The following AKR1C3 variants were observed in gnomAD, a reference collection of about 807,000 sequenced individuals.
AKR1C3 encodes 3-alpha hydroxysteroid dehydrogenase, type II.
Under a neutral mutation model 43.6 loss-of-function variants are expected in AKR1C3, and 48 were observed. That is an observed-to-expected ratio of 1.10 (90% CI 0.87 to 1.40). The LOEUF (loss-of-function observed/expected upper bound fraction) is 1.40, where lower values mean the gene tolerates loss of function less well. AKR1C3 is among the 40% of genes most tolerant of loss of function. The pLI, the probability that AKR1C3 is intolerant of heterozygous loss-of-function variation, is 0.00. For missense variants in AKR1C3, 482 were observed against 391.2 expected, an observed-to-expected ratio of 1.23 and a Z score of -1.96; for synonymous variants, 162 against 139.6, an observed-to-expected ratio of 1.16 and a Z score of -1.13.
At chr10:5,058,281 A>C (rs145110240) in intron 1 of AKR1C3, among the ~76,000 whole-genome samples, 5,394 of 152,224 alleles carry the variant, frequency 0.035, 121 homozygotes, top group Middle Eastern at 0.061. Context: ...CTTGGACATA[A>C]GGTATTTCAC....
chr10:5,088,120 G>C (rs1413383046), intron 1 of AKR1C3, among the ~76,000 whole-genome samples: 1 of 152,080 alleles, frequency 6.6e-6, no homozygotes, highest in Non-Finnish European at 1.5e-5. Context: ...TCATGCACTT[G>C]TATAGCTTTG....
chr10:5,066,075 G>A (rs1401191343), intron 1 of AKR1C3, among the ~76,000 whole-genome samples: 1 of 152,182 alleles, frequency 6.6e-6, no homozygotes, highest in African/African-American at 2.4e-5. Context: ...TGGTCTCTAG[G>A]TGAGAGGAAA....
At chr10:5,061,079 A>C (rs1327625732) in intron 1 of AKR1C3, among the ~76,000 whole-genome samples, 1 of 152,126 alleles carries the variant, frequency 6.6e-6, no homozygotes, top group Non-Finnish European at 1.5e-5. Flanking sequence ...CCAGCCCAGA[A>C]AGGGGCTCCC....
At position 5,089,326 on chromosome 10, in the gene AKR1C3, TCTA is replaced by T. The variant is rs1202325432; in HGVS notation, c.85-7080_85-7078del. On this transcript the variant is annotated intron_variant, in intron 1 of 8. Coordinates refer to the AKR1C3 transcript ENST00000439082. ...AAGAAAATATTTCTGCATTATTTCTTCTACTATGTTTTTCAAACTTCTTACTTC... is the reference window on the plus strand; with the variant it reads ...AAGAAAATATTTCTGCATTATTTCTTCTATGTTTTTCAAACTTCTTACTTC... Among the ~76,000 whole-genome samples, 25 of 151,778 alleles carry T rather than the reference TCTA, an allele frequency of 1.6e-4. No individual in the cohort carries two copies. The East Asian group carries it at 1.7e-3, about 11-fold the overall frequency.
intron 5 of AKR1C3, among the ~76,000 whole-genome samples, chr10:5,101,676 C>G (rs1479477456): frequency 6.6e-6 from 1 of 152,018 alleles, no homozygotes; most frequent in African/African-American, 2.4e-5. Flanking sequence ...TTTCTTGATG[C>G]TGAAATCTAT....
intron 1 of AKR1C3, among the ~76,000 whole-genome samples, chr10:5,070,205 A>G (rs1554781205): frequency 6.6e-6 from 1 of 152,198 alleles, no homozygotes; most frequent in African/African-American, 2.4e-5. Flanking sequence ...ACAGAAAGGA[A>G]AGGAGAGAAA....
At chr10:5,106,218 G>A (rs1321152304) in intron 8 of AKR1C3, among the ~76,000 whole-genome samples, 4 of 152,070 alleles carry the variant, frequency 2.6e-5, no homozygotes, top group African/African-American at 7.2e-5. Flanking sequence ...CCCAAACTCT[G>A]CTTTTGCCTC....
upstream of AKR1C3, among the ~76,000 whole-genome samples, chr10:5,092,050 T>A (rs1554784282): frequency 6.9e-6 from 1 of 144,640 alleles, no homozygotes; most frequent in East Asian, 3.0e-4. Flanking sequence ...AAAAAAAAAT[T>A]TTTGCCAAAT....
intron 3 of AKR1C3, among the ~76,000 whole-genome samples, chr10:5,098,413 A>C (rs950166817): frequency 6.6e-6 from 1 of 152,096 alleles, no homozygotes; most frequent in African/African-American, 2.4e-5. Flanking sequence ...AAGACTATCA[A>C]CTCTTCAGGT....
At chr10:5,088,012 C>G (rs1033851536) in intron 1 of AKR1C3, among the ~76,000 whole-genome samples, 1 of 152,054 alleles carries the variant, frequency 6.6e-6, no homozygotes, top group African/African-American at 2.4e-5. Flanking sequence ...GAGATTTTGG[C>G]ATGTTGTATG....
At position 5,105,395 on chromosome 10, in the gene AKR1C3, A is replaced by G. The variant is rs1209564129; in HGVS notation, c.847-200A>G. 4 of 465,702 alleles carry G rather than the reference A, an allele frequency of 8.6e-6. No homozygotes were observed. In the East Asian group the frequency reaches 1.4e-4, roughly 16 times the overall value. The allele number at this position is 465,702 out of a possible 1,614,324, so 28.8% of individuals were successfully genotyped here. A position where few individuals can be genotyped will look rare whatever the true frequency, so the allele number is the denominator to read the frequency against. On this transcript the variant is annotated intron_variant, in intron 7 of 8. Transcript: ENST00000380554. ...TTTGTCTGCAGAGTTGCACAGTTTCAATACATAATATCTAGGAATGGATTT... is the reference window on the plus strand; with the variant it reads ...TTTGTCTGCAGAGTTGCACAGTTTCGATACATAATATCTAGGAATGGATTT...
Position 5,105,196 on chromosome 10 carries a change from GAAA to G in AKR1C3, c.847-398_847-396del, listed in dbSNP as rs879984931. On this transcript the variant is annotated intron_variant, in intron 7 of 8. Transcript: ENST00000380554. ...TATACCTGTTTATTAAAGAGATATAGAAATTCAACAATATCTATCAAACTTAAT... is the reference window on the plus strand; with the variant it reads ...TATACCTGTTTATTAAAGAGATATAGTTCAACAATATCTATCAAACTTAAT... 315 of 157,862 alleles carry G rather than the reference GAAA, an allele frequency of 2.0e-3. 2 individuals carry two copies. The highest frequency in any genetic ancestry group is 3.4e-3 in the Non-Finnish European group (247 of 71,632). 9.8% of individuals were successfully genotyped at this position (157,862 alleles called of 1,614,324 possible).
chr10:5,107,491 A>G lies in AKR1C3; in HGVS notation c.960A>G (p.Ser320=). The stretch of plus-strand genomic sequence containing the variant: ...CTAGCCACCCTAATTATCCATATTC[A>G]GATGAATATTAACATGGAGGGCTTT... ...SFASHPNYPY[S]DEY Residue 320 remains serine, a synonymous_variant, in exon 9 of 9, where the codon TCA becomes TCG. Transcript: ENST00000380554. 2 of 1,588,758 alleles carry G rather than the reference A, an allele frequency of 1.3e-6. No individual in the cohort carries two copies. The highest frequency in any genetic ancestry group is 2.2e-5 in the East Asian group (1 of 44,730).
upstream of AKR1C3, chr10:5,093,511 G>A (rs1447415256): frequency 6.6e-6 from 1 of 152,040 alleles, no homozygotes; most frequent in Non-Finnish European, 1.5e-5. Context: ...CCCTCCAAAG[G>A]AAGGAACAAG....
At chr10:5,106,828 G>A (rs745518751) in intron 8 of AKR1C3, among the ~76,000 whole-genome samples, 2 of 151,918 alleles carry the variant, frequency 1.3e-5, no homozygotes, top group Non-Finnish European at 1.5e-5. Context: ...GATAGTGTGT[G>A]AAAAAGCATA....
intron 1 of AKR1C3, among the ~76,000 whole-genome samples, chr10:5,073,964 A>C (rs532444349): frequency 1.3e-5 from 2 of 152,302 alleles, no homozygotes; most frequent in African/African-American, 4.8e-5. Flanking sequence ...ACTGCTCAGC[A>C]CAAACTTGCC....
At chr10:5,068,524 A>C (rs1554781016) in intron 1 of AKR1C3, among the ~76,000 whole-genome samples, 2 of 142,406 alleles carry the variant, frequency 1.4e-5, no homozygotes, top group Non-Finnish European at 3.1e-5. Context: ...AAAAAAAAAA[A>C]ACACATTTTA....
At chr10:5,095,330 A>C (rs1344799717) in intron 1 of AKR1C3, among the ~76,000 whole-genome samples, 1 of 152,126 alleles carries the variant, frequency 6.6e-6, no homozygotes, top group East Asian at 1.9e-4. Flanking sequence ...GATGATCTAC[A>C]AGGATACATT....
At chr10:5,076,106 C>G (rs1473125864) in intron 1 of AKR1C3, among the ~76,000 whole-genome samples, 1 of 152,136 alleles carries the variant, frequency 6.6e-6, no homozygotes, top group Non-Finnish European at 1.5e-5. Context: ...GTTGCAAACA[C>G]ACAAAACACA....
Sources: allele counts gnomAD v4.1 joint callset (sites outside exome capture counted in the v4.1 genomes callset), GRCh38; gene constraint gnomAD v4.1.1; transcripts MANE v1.5; gene names NCBI Gene and HGNC (gene_info 2026-07-23, HGNC 2026-07-21).